AGBL1: variants seen among roughly 807,000 people sequenced by gnomAD.
The protein encoded by AGBL1 is AGBL carboxypeptidase 1.
Under a neutral mutation model 118.9 loss-of-function variants are expected in AGBL1, and 130 were observed. That is an observed-to-expected ratio of 1.09 (90% CI 0.95 to 1.26). The LOEUF is 1.26. Ranked by LOEUF, AGBL1 falls within the 50% of genes most tolerant of loss-of-function variation. The pLI, the probability that AGBL1 is intolerant of heterozygous loss-of-function variation, is 0.00. For synonymous variants in AGBL1, 555 were observed against 478.9 expected (o/e 1.16, Z -2.08); for missense variants, 1,584 against 1,298.1 (o/e 1.22, Z -3.38).
intron 18 of AGBL1, among the ~76,000 whole-genome samples, chr15:86,485,441 G>A (rs2082701084): frequency 6.6e-6 from 1 of 152,012 alleles, no homozygotes; most frequent in Non-Finnish European, 1.5e-5. Flanking sequence ...TCTGTCAAGG[G>A]CTTATAGTAA....
chr15:86,706,300 T>C (rs1336267905), intron 22 of AGBL1, among the ~76,000 whole-genome samples: 8 of 152,002 alleles, frequency 5.3e-5, no homozygotes, highest in Non-Finnish European at 5.9e-5. Context: ...TTTTACAAAA[T>C]GATATAAGAT....
At chr15:86,132,406 C>G (rs1308188117) in intron 1 of AGBL1, among the ~76,000 whole-genome samples, 2 of 152,158 alleles carry the variant, frequency 1.3e-5, no homozygotes, top group Non-Finnish European at 2.9e-5. Flanking sequence ...AGGCGGCAAC[C>G]CATTTCCTTG....
At chr15:86,874,040 C>G (rs2079768327) in intron 22 of AGBL1, among the ~76,000 whole-genome samples, 1 of 152,030 alleles carries the variant, frequency 6.6e-6, no homozygotes, top group South Asian at 2.1e-4. Context: ...GTAATGGGGA[C>G]AATACTTCCC....
intron 5 of AGBL1, among the ~76,000 whole-genome samples, chr15:86,204,876 C>T (rs2077966395): frequency 6.6e-6 from 1 of 152,174 alleles, no homozygotes; most frequent in African/African-American, 2.4e-5. Context: ...AGGTATGAGC[C>T]ACCGTGCCCA....
intron 21 of AGBL1, among the ~76,000 whole-genome samples, chr15:86,644,532 TTTTG>T (rs2085245078): frequency 1.3e-5 from 2 of 152,066 alleles, no homozygotes; most frequent in Admixed American, 6.6e-5. Context: ...CATAGATAAG[TTTTG>T]TTTGTTTTTG....
rs552019048 is a variant in AGBL1 at position 86,137,983 on chromosome 15, C to A, written c.52-4021C>A. Among the ~76,000 whole-genome samples, 48 of 152,278 alleles carry A rather than the reference C, an allele frequency of 3.2e-4. 1 individual carries two copies. Among genetic ancestry groups the A allele is most frequent in the Middle Eastern group, 3.4e-3 (1 of 294 alleles). ...GCAGATAAAACAGAAGTATAGAAGACAATGCTTGTTCTCAGGGAGTATCAG... is the reference window on the plus strand; with the variant it reads ...GCAGATAAAACAGAAGTATAGAAGAAAATGCTTGTTCTCAGGGAGTATCAG... On this transcript the variant is annotated intron_variant, in intron 1 of 22. Coordinates refer to ENST00000614907, the MANE Select transcript of AGBL1 (RefSeq NM_001386094.1).
At chr15:86,427,745 T>C (rs2081884753) in intron 18 of AGBL1, among the ~76,000 whole-genome samples, 1 of 152,212 alleles carries the variant, frequency 6.6e-6, no homozygotes, top group African/African-American at 2.4e-5. Context: ...TTAATATAGT[T>C]AACAGAGTCA....
chr15:86,924,657 C>T (rs529860498), intron 23 of AGBL1, among the ~76,000 whole-genome samples: 2 of 152,262 alleles, frequency 1.3e-5, no homozygotes, highest in East Asian at 1.9e-4. Flanking sequence ...GAAGGTACCA[C>T]AAGATTGTTC....
At chr15:86,322,822 C>G (rs1239162627) in intron 17 of AGBL1, among the ~76,000 whole-genome samples, 2 of 152,190 alleles carry the variant, frequency 1.3e-5, no homozygotes, top group Non-Finnish European at 2.9e-5. Flanking sequence ...TACATGGATA[C>G]TTTCCCAGAG....
intron 5 of AGBL1, among the ~76,000 whole-genome samples, chr15:86,182,751 A>G (rs2077571311): frequency 6.6e-6 from 1 of 152,136 alleles, no homozygotes; most frequent in Non-Finnish European, 1.5e-5. Flanking sequence ...ATTATGCTGG[A>G]GTTTGATATA....
At chr15:87,004,198 T>C (rs1262086949) in intron 24 of AGBL1, among the ~76,000 whole-genome samples, 1 of 152,226 alleles carries the variant, frequency 6.6e-6, no homozygotes, top group African/African-American at 2.4e-5. Flanking sequence ...AGAACATCTT[T>C]ATTTCTGCCT....
intron 22 of AGBL1, among the ~76,000 whole-genome samples, chr15:86,863,253 A>G (rs2079583327): frequency 1.3e-5 from 2 of 152,332 alleles, no homozygotes; most frequent in African/African-American, 2.4e-5. Context: ...TTGCTCATAG[A>G]TATTTCAGAT....
intron 22 of AGBL1, among the ~76,000 whole-genome samples, chr15:86,810,654 A>T (rs1009469108): frequency 6.6e-6 from 1 of 152,146 alleles, no homozygotes; most frequent in African/African-American, 2.4e-5. Context: ...TTGAGTTCAG[A>T]GTTCTCTCTG....
chr15:86,126,220 T>C (rs1162142624), intron 1 of AGBL1, among the ~76,000 whole-genome samples: 2 of 152,182 alleles, frequency 1.3e-5, no homozygotes, highest in East Asian at 1.9e-4. Flanking sequence ...GAATCCTCTG[T>C]TTTTGGGGTG....
chr15:86,780,765 G>C (rs894099709), intron 22 of AGBL1, among the ~76,000 whole-genome samples: 1 of 151,292 alleles, frequency 6.6e-6, no homozygotes, highest in Admixed American at 6.6e-5. Context: ...CCGGGTTCAA[G>C]CAATTCTCCT....
intron 21 of AGBL1, among the ~76,000 whole-genome samples, chr15:86,642,817 C>T (rs1459817826): frequency 6.6e-6 from 1 of 152,070 alleles, no homozygotes; most frequent in Non-Finnish European, 1.5e-5. Flanking sequence ...TTACCAAGAG[C>T]ACTGGGTAGC....
intron 21 of AGBL1, among the ~76,000 whole-genome samples, chr15:86,573,322 C>T (rs886827377): frequency 6.6e-6 from 1 of 152,136 alleles, no homozygotes; most frequent in African/African-American, 2.4e-5. Context: ...CTGACAACTT[C>T]CATGTCTTCT....
At chr15:86,673,415 A>G (rs1470765222) in intron 21 of AGBL1, among the ~76,000 whole-genome samples, 2 of 152,176 alleles carry the variant, frequency 1.3e-5, no homozygotes, top group Admixed American at 6.5e-5. Context: ...AGCTCACCAC[A>G]ATGGAGTCTC....
chr15:86,975,681 T>C (rs2082538), intron 23 of AGBL1, among the ~76,000 whole-genome samples: 46,191 of 151,998 alleles, frequency 0.3, 7,522 homozygotes, highest in Middle Eastern at 0.41. Flanking sequence ...GCAAATGATG[T>C]TCCTTCTGTC....
Sources: allele counts gnomAD v4.1 joint callset (sites outside exome capture counted in the v4.1 genomes callset), GRCh38; gene constraint gnomAD v4.1.1; transcripts MANE v1.5; gene names NCBI Gene and HGNC (gene_info 2026-07-23, HGNC 2026-07-21).